Variants in MARCHF3 observed in about 807,000 individuals in gnomAD.
MARCHF3 encodes the protein E3 ubiquitin-protein ligase MARCHF3.
MARCHF3 carries 13 observed loss-of-function variants against 24.2 expected under a neutral mutation model. The ratio of observed to expected loss-of-function variants is 0.54; its 90% CI spans 0.35 to 0.85. The LOEUF is 0.85. MARCHF3 is among the 40% of genes least tolerant of loss of function. The pLI, the probability that MARCHF3 is intolerant of heterozygous loss-of-function variation, is 0.01. For missense variants in MARCHF3, 276 were observed against 325.0 expected, an observed-to-expected ratio of 0.85 and a Z score of 1.16; for synonymous variants, 144 against 137.3, an observed-to-expected ratio of 1.05 and a Z score of -0.34.
intron 4 of MARCHF3, among the ~76,000 whole-genome samples, chr5:126,871,022 C>T (rs1752948711): frequency 6.6e-6 from 1 of 152,120 alleles, no homozygotes; most frequent in Admixed American, 6.5e-5. Flanking sequence ...ATGGTGGCTT[C>T]CTTTGTTCCT....
At chr5:126,897,045 A>AT (rs759577287) in intron 3 of MARCHF3, among the ~76,000 whole-genome samples, 18 of 116,436 alleles carry the variant, frequency 1.5e-4, no homozygotes, top group East Asian at 3.0e-4. Context: ...AAGTTTGAGA[A>AT]TTTTTTTTTT....
At chr5:126,876,063 C>A (rs1753146304) in intron 4 of MARCHF3, among the ~76,000 whole-genome samples, 1 of 152,160 alleles carries the variant, frequency 6.6e-6, no homozygotes, top group Non-Finnish European at 1.5e-5. Flanking sequence ...CCTGAAAGAG[C>A]CTAGTCTAGG....
At chr5:126,997,010 A>G (rs1751969370) in intron 1 of MARCHF3, among the ~76,000 whole-genome samples, 1 of 152,202 alleles carries the variant, frequency 6.6e-6, no homozygotes, top group Admixed American at 6.5e-5. Flanking sequence ...TTACTTTTGA[A>G]TTTATACCCT....
chr5:126,923,017 G>A (rs966971544), intron 1 of MARCHF3, among the ~76,000 whole-genome samples: 12 of 152,066 alleles, frequency 7.9e-5, no homozygotes, highest in African/African-American at 2.9e-4. Flanking sequence ...TGACCCCACG[G>A]CCTTCAGATC....
rs200838811 is a variant in MARCHF3, at chr5:126,918,115, T to G, written c.57A>C (p.Ser19=). Residue 19 remains serine, a synonymous_variant, in exon 2 of 5, where the codon TCA becomes TCC. Transcript: ENST00000308660. The stretch of plus-strand genomic sequence containing the variant: ...CCACCGTCTTCACCACGGGTGCAGC[T>G]GAGCTGGTGCAGTCTGGCAGGACTT... ...LPEVLPDCTS[S]AAPVVKTVED... 9 of 1,614,206 alleles carry G rather than the reference T, an allele frequency of 5.6e-6. No homozygotes were observed. The East Asian group carries it at 2.0e-4, about 36-fold the overall frequency.
intron 3 of MARCHF3, among the ~76,000 whole-genome samples, chr5:126,910,401 G>T (rs903790589): frequency 6.6e-6 from 1 of 152,184 alleles, no homozygotes; most frequent in African/African-American, 2.4e-5. Context: ...TGGAGTCAAG[G>T]CACAAATTTT....
At chr5:127,028,723 TC>T (rs961433119) in intron 1 of MARCHF3, among the ~76,000 whole-genome samples, 6 of 152,094 alleles carry the variant, frequency 3.9e-5, no homozygotes, top group Non-Finnish European at 7.4e-5. Flanking sequence ...TTTTTTTCTC[TC>T]CTACAAGCTC....
chr5:126,992,536 C>G (rs535189577), intron 1 of MARCHF3, among the ~76,000 whole-genome samples: 1 of 152,102 alleles, frequency 6.6e-6, no homozygotes, highest in Non-Finnish European at 1.5e-5. Context: ...GTTTTGTGCC[C>G]GTGGCTGAAT....
intron 1 of MARCHF3, among the ~76,000 whole-genome samples, chr5:126,952,498 T>A (rs1422336241): frequency 6.6e-6 from 1 of 152,198 alleles, no homozygotes; most frequent in African/African-American, 2.4e-5. Flanking sequence ...GGTGCTTTTA[T>A]CTCCTCTTGA....
At chr5:126,969,655 A>C (rs1750934462) in intron 1 of MARCHF3, among the ~76,000 whole-genome samples, 2 of 152,238 alleles carry the variant, frequency 1.3e-5, no homozygotes, top group Admixed American at 6.5e-5. Flanking sequence ...ACAAACCATC[A>C]GTTGCTGGTT....
intron 3 of MARCHF3, among the ~76,000 whole-genome samples, chr5:126,901,943 TG>T (rs1754119363): frequency 6.6e-6 from 1 of 152,118 alleles, no homozygotes; most frequent in South Asian, 2.1e-4. Flanking sequence ...CAAGACACCT[TG>T]ACTTCCACCA....
rs1018491370 is a variant in MARCHF3 at position 126,896,336 on chromosome 5, A to G, written c.394-17942T>C. ...ATTCGGCCATCTTGGCTCCTCCCAGAAAAGACATTCTTAAGGGGTAAGGGG... is the reference window on the plus strand; with the variant it reads ...ATTCGGCCATCTTGGCTCCTCCCAGGAAAGACATTCTTAAGGGGTAAGGGG... On this transcript the variant is annotated intron_variant, in intron 3 of 4. Coordinates refer to ENST00000308660, the MANE Select transcript of MARCHF3 (RefSeq NM_178450.5). Among the ~76,000 whole-genome samples the G allele has an allele frequency of 1.6e-4, 24 of 152,202 alleles. 1 individual carries two copies. The highest frequency in any genetic ancestry group is 1.5e-3 in the Admixed American group (23 of 15,250).
At chr5:126,965,392 T>C (rs1750772961) in intron 1 of MARCHF3, among the ~76,000 whole-genome samples, 1 of 152,164 alleles carries the variant, frequency 6.6e-6, no homozygotes, top group African/African-American at 2.4e-5. Flanking sequence ...CCACAGAAAG[T>C]TGACATTCAA....
intron 1 of MARCHF3, among the ~76,000 whole-genome samples, chr5:126,955,650 G>A (rs958731938): frequency 2.6e-5 from 4 of 152,164 alleles, no homozygotes; most frequent in South Asian, 2.1e-4. Context: ...CATTTCTGTA[G>A]TAAGTTGTCC....
chr5:126,881,828 T>A (rs1301759807), intron 3 of MARCHF3, among the ~76,000 whole-genome samples: 1 of 152,154 alleles, frequency 6.6e-6, no homozygotes, highest in Non-Finnish European at 1.5e-5. Context: ...TGTATATATA[T>A]CACTTGTGTA....
At position 126,917,988 on chromosome 5, in the gene MARCHF3, G is replaced by C; in HGVS notation, c.184C>G (p.Gln62Glu). ...TTATTTTAATTGTGGTACTACCTCT[G>C]GGTGGCAAGAGTCCGCACTACTGTT... Reference protein sequence around the residue: ...LSTVVRTLATQSPFNDRPMCR... With the variant: ...LSTVVRTLATESPFNDRPMCR... The change falls in exon 2 of 5, where the codon CAG becomes GAG. Residue 62 changes from glutamine (Q) to glutamate (E), a missense_variant. Coordinates refer to ENST00000308660, the MANE Select transcript of MARCHF3 (RefSeq NM_178450.5). The C allele has an allele frequency of 6.2e-7, 1 of 1,613,500 alleles. No individual in the cohort carries two copies. The highest frequency in any genetic ancestry group is 8.5e-7 in the Non-Finnish European group (1 of 1,179,776).
At chr5:126,953,540 C>G (rs1750324755) in intron 1 of MARCHF3, among the ~76,000 whole-genome samples, 1 of 152,010 alleles carries the variant, frequency 6.6e-6, no homozygotes, top group Non-Finnish European at 1.5e-5. Flanking sequence ...TACGTAAGTT[C>G]TAGGTTCAAA....
At chr5:126,972,564 G>C (rs1729806636) in intron 1 of MARCHF3, among the ~76,000 whole-genome samples, 1 of 152,142 alleles carries the variant, frequency 6.6e-6, no homozygotes, top group African/African-American at 2.4e-5. Context: ...CATTCAACAT[G>C]AAAGGTGTTG....
At position 126,979,197 on chromosome 5, in the gene MARCHF3, G is replaced by T. The variant is rs150583409; in HGVS notation, c.-57+51153C>A. ...TTTGTTTAGGTTGCTGACTCTACTT[G>T]TTAGCCCAGAATTTACTTCCTCAAC... On this transcript the variant is annotated intron_variant, in intron 1 of 4. Coordinates refer to ENST00000308660, the MANE Select transcript of MARCHF3 (RefSeq NM_178450.5). Among the ~76,000 whole-genome samples the T allele has an allele frequency of 1.1e-4, 16 of 152,314 alleles. No individual in the cohort carries two copies. The East Asian group carries it at 3.1e-3, about 29-fold the overall frequency.
Sources: allele counts gnomAD v4.1 joint callset (sites outside exome capture counted in the v4.1 genomes callset), GRCh38; gene constraint gnomAD v4.1.1; transcripts MANE v1.5; gene names NCBI Gene and HGNC (gene_info 2026-07-23, HGNC 2026-07-21).